Variants in TMEM117 observed in about 807,000 individuals in gnomAD.
TMEM117 encodes transmembrane protein 117.
TMEM117 carries 27 observed loss-of-function variants against 52.4 expected under a neutral mutation model. The observed-to-expected ratio is 0.51, with a 90% CI of 0.38 to 0.71. TMEM117 has a LOEUF of 0.71. Among genes scored for constraint, TMEM117 ranks in the 30% least tolerant of loss-of-function variants. The pLI, the probability that TMEM117 is intolerant of heterozygous loss-of-function variation, is 0.00. For synonymous variants in TMEM117, 215 were observed against 206.3 expected, an observed-to-expected ratio of 1.04 and a Z score of -0.36; for missense variants, 556 against 630.5, an observed-to-expected ratio of 0.88 and a Z score of 1.26.
At chr12:44,365,247 T>A (rs750212707) in intron 6 of TMEM117, among the ~76,000 whole-genome samples, 5 of 151,972 alleles carry the variant, frequency 3.3e-5, no homozygotes, top group Non-Finnish European at 7.4e-5. Context: ...CACTTTGCAA[T>A]GTGTGTTAGA....
At chr12:44,069,585 TG>T (rs1159971158) in intron 3 of TMEM117, among the ~76,000 whole-genome samples, 1 of 152,160 alleles carries the variant, frequency 6.6e-6, no homozygotes, top group Non-Finnish European at 1.5e-5. Context: ...TAAGGGGGCC[TG>T]ACTGAGTAGG....
chr12:43,844,575 G>T, intron 1 of TMEM117, 49 bp from the exon 2 acceptor site: 1 of 1,462,626 alleles, frequency 6.8e-7, no homozygotes. Flanking sequence ...AAAGAAGAAA[G>T]CCATTACTTG....
intron 2 of TMEM117, among the ~76,000 whole-genome samples, chr12:43,911,724 C>T (rs1379212313): frequency 5.5e-5 from 8 of 144,812 alleles, no homozygotes; most frequent in South Asian, 4.6e-4. Flanking sequence ...GACATTTATG[C>T]AGCCAAAAAA....
intron 5 of TMEM117, among the ~76,000 whole-genome samples, chr12:44,282,514 CA>C (rs1209027441): frequency 6.6e-6 from 1 of 152,144 alleles, no homozygotes. Context: ...TATGTTTTAG[CA>C]AAGAGACTAA....
intron 3 of TMEM117, among the ~76,000 whole-genome samples, chr12:44,061,686 T>C (rs1049985268): frequency 2.6e-5 from 4 of 152,152 alleles, no homozygotes; most frequent in Non-Finnish European, 5.9e-5. Context: ...TTTATATCAA[T>C]GTTAGTGAAG....
At chr12:43,862,932 C>T (rs528914013) in intron 2 of TMEM117, among the ~76,000 whole-genome samples, 1 of 152,224 alleles carries the variant, frequency 6.6e-6, no homozygotes, top group Admixed American at 6.5e-5. Context: ...ACGCACTGCA[C>T]TCCAGCCCGG....
intron 6 of TMEM117, among the ~76,000 whole-genome samples, chr12:44,360,715 C>A (rs992901079): frequency 6.6e-6 from 1 of 152,062 alleles, no homozygotes; most frequent in Non-Finnish European, 1.5e-5. Flanking sequence ...TAAATGATGT[C>A]GAGAATATGA....
intron 2 of TMEM117, among the ~76,000 whole-genome samples, chr12:43,913,310 C>A (rs1944547142): frequency 6.6e-6 from 1 of 152,102 alleles, no homozygotes; most frequent in Non-Finnish European, 1.5e-5. Flanking sequence ...CAGGAAAGTG[C>A]CTCATATTTA....
intron 5 of TMEM117, among the ~76,000 whole-genome samples, chr12:44,264,662 A>G (rs557125614): frequency 3.9e-5 from 6 of 152,168 alleles, no homozygotes; most frequent in Non-Finnish European, 7.4e-5. Context: ...AACTGCTCAC[A>G]GAACCATAGA....
intron 2 of TMEM117, among the ~76,000 whole-genome samples, chr12:43,873,014 G>A (rs954114126): frequency 1.3e-4 from 20 of 152,122 alleles, no homozygotes; most frequent in Non-Finnish European, 2.6e-4. Flanking sequence ...TAGGAAGATC[G>A]GTAGAGAATT....
the TMEM117 span, among the ~76,000 whole-genome samples, chr12:43,818,434 T>C: frequency 6.9e-6 from 1 of 145,938 alleles, no homozygotes; most frequent in Non-Finnish European, 1.5e-5. Flanking sequence ...TTTTTTTGTG[T>C]TTTTTTTTTG....
intron 2 of TMEM117, among the ~76,000 whole-genome samples, chr12:43,868,014 T>C (rs1160087439): frequency 2.6e-5 from 4 of 151,370 alleles, no homozygotes; most frequent in Admixed American, 6.6e-5. Flanking sequence ...TATTGATCCA[T>C]AATAAAAATT....
downstream of TMEM117, among the ~76,000 whole-genome samples, chr12:44,390,289 T>TA (rs1419017284): frequency 6.6e-6 from 1 of 151,824 alleles, no homozygotes; most frequent in Non-Finnish European, 1.5e-5. Context: ...TAAAGGAACT[T>TA]ACCATGTATG....
intron 5 of TMEM117, among the ~76,000 whole-genome samples, chr12:44,268,466 G>T (rs1950406604): frequency 6.6e-6 from 1 of 151,884 alleles, no homozygotes; most frequent in Non-Finnish European, 1.5e-5. Context: ...TTGTTCAGGG[G>T]AGAAATGAAG....
chr12:43,889,178 G>A (rs1675760), intron 2 of TMEM117, among the ~76,000 whole-genome samples: 125,941 of 151,584 alleles, frequency 0.83, 54,427 homozygotes, highest in Non-Finnish European at 0.94. Context: ...CGCCTCCCGG[G>A]TACAAGCAAT....
chr12:44,008,046 C>T (rs1390267432), intron 3 of TMEM117, among the ~76,000 whole-genome samples: 1 of 152,196 alleles, frequency 6.6e-6, no homozygotes, highest in Non-Finnish European at 1.5e-5. Flanking sequence ...AGCAGTATGG[C>T]ACCAGTTTGA....
chr12:43,886,160 T>C (rs1230861161), intron 2 of TMEM117, among the ~76,000 whole-genome samples: 1 of 151,972 alleles, frequency 6.6e-6, no homozygotes, highest in African/African-American at 2.4e-5. Flanking sequence ...GGATTAATGG[T>C]GGAAAATCCT....
chr12:44,383,849 A>AT (rs565031607), intron 7 of TMEM117, among the ~76,000 whole-genome samples: 28 of 151,896 alleles, frequency 1.8e-4, no homozygotes, highest in Non-Finnish European at 2.8e-4. Flanking sequence ...AGAAGATACA[A>AT]TTTTTTTTCA....
chr12:44,388,075 TA>T lies in TMEM117; in HGVS notation c.950del (p.Asn317IlefsTer27). On this transcript the variant is annotated frameshift_variant, in exon 8 of 8. Transcript: ENST00000266534. LOFTEE classifies it high-confidence loss of function. ...IIFLVLILDL[N>X]MWKNQIFYKP... ...TCTTCCTCGTCTTGATTTTGGATCT[TA>T]ATATGTGGAAGAACCAAATATTTTA... The T allele has an allele frequency of 6.2e-7, 1 of 1,612,474 alleles. No individual in the cohort carries two copies. The highest frequency in any genetic ancestry group is 8.5e-7 in the Non-Finnish European group (1 of 1,179,234).
Sources: gnomAD v4.1 joint callset for allele counts (sites outside exome capture counted in the v4.1 genomes callset) on GRCh38, gnomAD v4.1.1 for gene constraint, MANE v1.5 for transcripts, NCBI Gene and HGNC (gene_info 2026-07-23, HGNC 2026-07-21) for gene names.